The following SKA1 variants were observed in gnomAD, a reference collection of about 807,000 sequenced individuals.
SKA1 encodes SKA complex subunit 1.
SKA1 carries 20 observed loss-of-function variants against 31.8 expected under a neutral mutation model. The ratio of observed to expected loss-of-function variants is 0.63; its 90% CI spans 0.44 to 0.91. The LOEUF is 0.91. Among genes scored for constraint, SKA1 ranks in the 40% least tolerant of loss-of-function variants. The probability of loss-of-function intolerance (pLI) is 0.00; values close to 1 mark genes in which losing one functional copy is unlikely to be tolerated. For synonymous variants in SKA1, 88 were observed against 100.5 expected (o/e 0.88, Z 0.74); for missense variants, 253 against 298.2 (o/e 0.85, Z 1.12).
Position 50,380,245 on chromosome 18 carries a change from C to G in SKA1, c.208C>G (p.Leu70Val), listed in dbSNP as rs770556691. ...IQYQEQTNNS[L>V]KELCESLEED... The stretch of plus-strand genomic sequence containing the variant: ...GTATCAAGAACAAACCAACAATTCA[C>G]TCAAGGTAATGTTTCTCTAATGAGG... Residue 70 changes from leucine to valine, a missense_variant, in exon 3 of 7, where the codon CTC becomes GTC. Coordinates refer to ENST00000285116, the MANE Select transcript of SKA1 (RefSeq NM_145060.4). 6 of 1,542,082 alleles carry G rather than the reference C, an allele frequency of 3.9e-6. No individual in the cohort carries two copies. In the South Asian group the frequency reaches 5.1e-5, roughly 13 times the overall value.
intron 4 of SKA1, among the ~76,000 whole-genome samples, chr18:50,382,427 C>T (rs1225102587): frequency 1.3e-5 from 2 of 152,066 alleles, no homozygotes; most frequent in East Asian, 3.8e-4. Context: ...CACTTCTTTC[C>T]CAGTTTGCCA....
At position 50,385,530 on chromosome 18, in the gene SKA1, C is replaced by A. The variant is rs80250464; in HGVS notation, c.449+177C>A. Among the ~76,000 whole-genome samples the A allele has an allele frequency of 3.7e-4, 56 of 151,948 alleles. 1 individual carries two copies. In the East Asian group the frequency reaches 9.5e-3, roughly 26 times the overall value. The stretch of plus-strand genomic sequence containing the variant: ...TTTTTGAAGATTTTTGTTGTAAAAC[C>A]CCTTCATAGAGAGATCTAGAGATGG... On this transcript the variant is annotated intron_variant, in intron 5 of 6. Coordinates refer to ENST00000285116, the MANE Select transcript of SKA1 (RefSeq NM_145060.4).
chr18:50,382,317 A>G, intron 4 of SKA1, 91 bp downstream of exon 4: 6 of 715,766 alleles, frequency 8.4e-6, no homozygotes, highest in Non-Finnish European at 1.3e-5. Flanking sequence ...ATATACTTGC[A>G]GTTTTGTCAG....
chr18:50,379,904 G>A (rs547094029), intron 2 of SKA1, among the ~76,000 whole-genome samples: 7 of 152,170 alleles, frequency 4.6e-5, no homozygotes, highest in African/African-American at 1.7e-4. Flanking sequence ...AACAAAAGAC[G>A]CAGGAGAGAC....
chr18:50,375,702 G>T, intron 1 of SKA1, 118 bp from the exon 2 acceptor site: 1 of 629,902 alleles, frequency 1.6e-6, no homozygotes, highest in East Asian at 2.7e-5. Context: ...TTGAATTTTT[G>T]TGCTTAACCT....
At chr18:50,390,015 C>T (rs1409781322) in intron 5 of SKA1, among the ~76,000 whole-genome samples, 1 of 152,170 alleles carries the variant, frequency 6.6e-6, no homozygotes, top group African/African-American at 2.4e-5. Flanking sequence ...ACAAATGGTG[C>T]TGAGAGTAGA....
chr18:50,379,200 ACTT>A (rs934186890), intron 2 of SKA1, among the ~76,000 whole-genome samples: 2 of 152,136 alleles, frequency 1.3e-5, no homozygotes, highest in East Asian at 1.9e-4. Context: ...TTAAAAAACT[ACTT>A]CTTTTATTTC....
rs1207043178 is a variant in SKA1, at chr18:50,375,898, C to T, written c.68C>T (p.Thr23Ile). Reference sequence around the variant, plus strand: ...GAAAAGATTGGCAATATTAAGAAAACCTTATCATTAAGAAACTGTGGTAAG... The same window carrying T: ...GAAAAGATTGGCAATATTAAGAAAATCTTATCATTAAGAAACTGTGGTAAG... ...VNEKIGNIKKTLSLRNCGQEP... is the reference protein window; with the variant it reads ...VNEKIGNIKKILSLRNCGQEP... The change falls in exon 2 of 7, where the codon ACC becomes ATC. Residue 23 changes from threonine (T) to isoleucine (I), a missense_variant. By Grantham distance (89) the Thr-to-Ile change is moderately conservative (BLOSUM62 -1). Coordinates refer to ENST00000285116, the MANE Select transcript of SKA1 (RefSeq NM_145060.4). 2 of 1,604,164 alleles carry T rather than the reference C, an allele frequency of 1.2e-6. No homozygotes were observed. Among genetic ancestry groups the T allele is most frequent in the Non-Finnish European group, 1.7e-6 (2 of 1,173,696 alleles).
At chr18:50,380,330 C>CTTTGT in intron 3 of SKA1, 80 bp downstream of exon 3, 1 of 1,370,036 alleles carries the variant, frequency 7.3e-7, no homozygotes, top group Admixed American at 3.1e-5. Flanking sequence ...TTTAAGGATG[C>CTTTGT]TTTGTTTATA....
rs766791772 is a variant in SKA1 at position 50,392,087 on chromosome 18, CTT to C, written c.620-10_620-9del. The C allele has an allele frequency of 6.4e-7, 1 of 1,550,430 alleles. No individual in the cohort carries two copies. Among genetic ancestry groups the C allele is most frequent in the East Asian group, 2.3e-5 (1 of 43,016 alleles). On this transcript the variant is annotated splice_polypyrimidine_tract_variant and intron_variant, in intron 6 of 6. Transcript: ENST00000285116. The stretch of plus-strand genomic sequence containing the variant: ...GCCTTATAAAAATTAGCACTAATAT[CTT>C]TATTTTTAGGTCGTTATTTTATAGT...
At chr18:50,376,389 C>T (rs958429185) in intron 2 of SKA1, among the ~76,000 whole-genome samples, 6 of 152,218 alleles carry the variant, frequency 3.9e-5, no homozygotes, top group Admixed American at 3.9e-4. Flanking sequence ...AGGCAACAAA[C>T]CCGTATAGCA....
chr18:50,386,649 G>A (rs1216224040), intron 5 of SKA1, among the ~76,000 whole-genome samples: 3 of 152,112 alleles, frequency 2.0e-5, no homozygotes, highest in African/African-American at 7.2e-5. Flanking sequence ...AATGTCATGT[G>A]TCTACCATTA....
chr18:50,378,020 G>A (rs1376791189), intron 2 of SKA1, among the ~76,000 whole-genome samples: 1 of 152,100 alleles, frequency 6.6e-6, no homozygotes, highest in African/African-American at 2.4e-5. Flanking sequence ...GTACTTGGTT[G>A]GGCGACAGTT....
chr18:50,391,091 T>C, intron 5 of SKA1, 33 bp from the exon 6 acceptor site: 1 of 1,398,890 alleles, frequency 7.1e-7, no homozygotes, highest in Non-Finnish European at 9.6e-7. Flanking sequence ...GATGATTCTT[T>C]AAAACAATAA....
intron 4 of SKA1, among the ~76,000 whole-genome samples, chr18:50,383,425 C>T (rs563219750): frequency 7.0e-4 from 107 of 152,300 alleles, no homozygotes; most frequent in African/African-American, 2.3e-3. Flanking sequence ...TTACCCAACT[C>T]CACTGTTAAT....
intron 3 of SKA1, among the ~76,000 whole-genome samples, chr18:50,381,732 T>G (rs924998419): frequency 2.0e-5 from 3 of 149,862 alleles, no homozygotes; most frequent in African/African-American, 7.4e-5. Flanking sequence ...GGTTTTTTTT[T>G]TTTTTTTTTT....
intron 1 of SKA1, among the ~76,000 whole-genome samples, chr18:50,375,405 A>C (rs1364198766): frequency 6.6e-6 from 1 of 152,222 alleles, no homozygotes; most frequent in Non-Finnish European, 1.5e-5. Flanking sequence ...CCCAAACTGT[A>C]AAGCCCCAAC....
chr18:50,392,269 A>C lies in SKA1; in HGVS notation c.*22A>C, dbSNP rs10460085. Reference sequence around the variant, plus strand: ...CTGAGTCCCTTGTGAACTTTTGAACATACCAACAGGGTATAGAGTATAGAG... The same window carrying C: ...CTGAGTCCCTTGTGAACTTTTGAACCTACCAACAGGGTATAGAGTATAGAG... On this transcript the variant is annotated 3_prime_UTR_variant, in exon 7 of 7. Coordinates refer to ENST00000285116, the MANE Select transcript of SKA1 (RefSeq NM_145060.4). 524,471 of 1,488,922 alleles carry C rather than the reference A, an allele frequency of 0.35. 97,285 individuals carry two copies. Among genetic ancestry groups the C allele is most frequent in the East Asian group, 0.64 (26,700 of 41,968 alleles). 92.2% of individuals were successfully genotyped at this position (1,488,922 alleles called of 1,614,324 possible).
intron 5 of SKA1, 91 bp downstream of exon 5, chr18:50,385,444 C>A: frequency 1.8e-6 from 2 of 1,108,812 alleles, no homozygotes; most frequent in Non-Finnish European, 2.5e-6. Flanking sequence ...TTGTAATATG[C>A]TATGTTCAAA....
Sources: gnomAD v4.1 joint callset for allele counts (sites outside exome capture counted in the v4.1 genomes callset) on GRCh38, gnomAD v4.1.1 for gene constraint, MANE v1.5 for transcripts, NCBI Gene and HGNC (gene_info 2026-07-23, HGNC 2026-07-21) for gene names.